SEC24C: variants seen among roughly 807,000 people sequenced by gnomAD.
SEC24C encodes the protein protein transport protein Sec24C.
SEC24C carries 22 observed loss-of-function variants against 117.0 expected under a neutral mutation model. That is an observed-to-expected ratio of 0.19 (90% CI 0.13 to 0.27). The LOEUF (loss-of-function observed/expected upper bound fraction) is 0.27, where lower values mean the gene tolerates loss of function less well. SEC24C is among the 10% of genes least tolerant of loss of function. The pLI is 1.00. For synonymous variants in SEC24C, 506 were observed against 529.4 expected, an observed-to-expected ratio of 0.96 and a Z score of 0.61; for missense variants, 1,155 against 1,375.1, an observed-to-expected ratio of 0.84 and a Z score of 2.53.
intron 3 of SEC24C, among the ~76,000 whole-genome samples, chr10:73,752,821 C>T (rs1565036964): frequency 6.6e-6 from 1 of 151,896 alleles, no homozygotes; most frequent in Non-Finnish European, 1.5e-5. Context: ...AAGACCCTGT[C>T]ACAAAAAAAC....
At position 73,769,588 on chromosome 10, in the gene SEC24C, A is replaced by AGTG; in HGVS notation, c.2564-26_2564-24dup. 6.2e-7 allele frequency: 1 copy of AGTG among 1,613,420 alleles called. No individual in the cohort carries two copies. The highest frequency in any genetic ancestry group is 1.1e-5 in the South Asian group (1 of 91,056). On this transcript the variant is annotated intron_variant, in intron 18 of 22. Transcript: ENST00000345254. The surrounding 1 kb of genome is among the most constrained non-coding windows in gnomAD (Gnocchi z 4.5). ...ATGCACACATGATGGGCAGCTGACC[A>AGTG]GTGACTATCTTTGCTTTCCCATCCA...
intron 3 of SEC24C, among the ~76,000 whole-genome samples, chr10:73,752,453 G>A (rs752235494): frequency 2.6e-5 from 4 of 152,108 alleles, no homozygotes; most frequent in Admixed American, 6.5e-5. Context: ...GGTAAATAAA[G>A]AGTAAAATAT....
At chr10:73,745,449 CCT>C (rs1443173871) in intron 1 of SEC24C, among the ~76,000 whole-genome samples, 2 of 151,628 alleles carry the variant, frequency 1.3e-5, no homozygotes, top group African/African-American at 4.8e-5. Context: ...TAACTTTGCC[CCT>C]GATTCTTGAA....
chr10:73,750,026 A>G (rs2082622140), intron 2 of SEC24C, among the ~76,000 whole-genome samples: 2 of 152,226 alleles, frequency 1.3e-5, no homozygotes, highest in Non-Finnish European at 1.5e-5. Flanking sequence ...AGATTTGGGA[A>G]ATAATGAAGT....
In SEC24C at chr10:73,769,162, G is replaced by A. The variant is rs766768963; in HGVS notation, c.2424+10G>A. 2.4e-5 allele frequency: 38 copies of A among 1,613,700 alleles called. No individual in the cohort carries two copies. The highest frequency in any genetic ancestry group is 6.7e-5 in the East Asian group (3 of 44,876). ...CGGAGCTCTCCTGCAGGTGGCAGGCGGGAGGCGGGGCTGGGCAGGAAGTGT... is the reference window on the plus strand; with the variant it reads ...CGGAGCTCTCCTGCAGGTGGCAGGCAGGAGGCGGGGCTGGGCAGGAAGTGT... On this transcript the variant is annotated intron_variant, in intron 17 of 22. Transcript: ENST00000345254. This position sits in a 1 kb window ranked among gnomAD's most constrained non-coding sequence, Gnocchi z 4.5.
chr10:73,769,222 G>A lies in SEC24C; in HGVS notation c.2424+70G>A, dbSNP rs771162873. On this transcript the variant is annotated intron_variant, in intron 17 of 22. Coordinates refer to ENST00000345254, the MANE Select transcript of SEC24C (RefSeq NM_198597.3). The surrounding 1 kb of genome is among the most constrained non-coding windows in gnomAD (Gnocchi z 4.5). ...TTGGTATAGAAGAGGGTGAGGAATGGGTAGAGAGCACTAAAAGAAGAGACA... is the reference window on the plus strand; with the variant it reads ...TTGGTATAGAAGAGGGTGAGGAATGAGTAGAGAGCACTAAAAGAAGAGACA... The A allele has an allele frequency of 6.3e-7, 1 of 1,595,076 alleles. No individual in the cohort carries two copies. Among genetic ancestry groups the A allele is most frequent in the Non-Finnish European group, 8.5e-7 (1 of 1,169,658 alleles).
intron 6 of SEC24C, among the ~76,000 whole-genome samples, chr10:73,763,261 T>A (rs2082825200): frequency 6.6e-6 from 1 of 152,230 alleles, no homozygotes; most frequent in Admixed American, 6.5e-5. Flanking sequence ...ATTCTCATGT[T>A]GCCTGCCCAG....
In SEC24C at chr10:73,760,144, A is replaced by G. The variant is rs766992907; in HGVS notation, c.608A>G (p.Gln203Arg). Reference sequence around the variant, plus strand: ...GGTCATCCTGGGATCCAGACTCCCCAGCGATCTGCCCCATCACAGGCCTCC... The same window carrying G: ...GGTCATCCTGGGATCCAGACTCCCCGGCGATCTGCCCCATCACAGGCCTCC... ...AQGHPGIQTP[Q>R]RSAPSQASSF... The change falls in exon 5 of 23, where the codon CAG becomes CGG. Residue 203 changes from glutamine (Q) to arginine (R), a missense_variant. Coordinates refer to ENST00000345254, the MANE Select transcript of SEC24C (RefSeq NM_198597.3). The G allele has an allele frequency of 3.7e-6, 6 of 1,613,942 alleles. No homozygotes were observed. In the East Asian group the frequency reaches 8.9e-5, roughly 24 times the overall value.
intron 1 of SEC24C, among the ~76,000 whole-genome samples, chr10:73,744,753 C>G (rs973395707): frequency 6.6e-6 from 1 of 152,136 alleles, no homozygotes; most frequent in African/African-American, 2.4e-5. Flanking sequence ...GGTTTTGATC[C>G]TCGGCTCTCC....
In SEC24C at chr10:73,766,796, A is replaced by G; in HGVS notation, c.1836A>G (p.Thr612=). Residue 612 remains threonine, a synonymous_variant, in exon 13 of 23, where the codon ACA becomes ACG. Coordinates refer to ENST00000345254, the MANE Select transcript of SEC24C (RefSeq NM_198597.3). The part of the protein sequence containing the change: ...LDQIPEMFAD[T]RETETVFVPV... ...AGATTCCAGAAATGTTTGCAGACACAAGGGAAACAGAGACAGTATTTGTAC... is the reference window on the plus strand; with the variant it reads ...AGATTCCAGAAATGTTTGCAGACACGAGGGAAACAGAGACAGTATTTGTAC... 1 of 1,614,214 alleles carries G rather than the reference A, an allele frequency of 6.2e-7. No homozygotes were observed. The highest frequency in any genetic ancestry group is 1.1e-5 in the South Asian group (1 of 91,084).
At chr10:73,755,779 A>T (rs1003512898) in intron 3 of SEC24C, among the ~76,000 whole-genome samples, 1 of 152,154 alleles carries the variant, frequency 6.6e-6, no homozygotes, top group African/African-American at 2.4e-5. Flanking sequence ...AACAAAAAAA[A>T]TTTTTAAGTG....
intron 2 of SEC24C, among the ~76,000 whole-genome samples, chr10:73,749,165 C>T (rs971092902): frequency 6.6e-6 from 1 of 152,212 alleles, no homozygotes; most frequent in Non-Finnish European, 1.5e-5. Context: ...CTTACCTGGT[C>T]ACATTGTTCA....
rs199736737 is a variant in SEC24C at position 73,754,679 on chromosome 10, G to C, written c.308+3436G>C. On this transcript the variant is annotated intron_variant, in intron 3 of 22. Coordinates refer to ENST00000345254, the MANE Select transcript of SEC24C (RefSeq NM_198597.3). ...AATCTGCAGCTCAAGACTGATGCTAGGACTGGAGATAAAAATTTGGGAGTC... is the reference window on the plus strand; with the variant it reads ...AATCTGCAGCTCAAGACTGATGCTACGACTGGAGATAAAAATTTGGGAGTC... 5.9e-5 allele frequency among the ~76,000 whole-genome samples: 9 copies of C among 152,304 alleles called. No individual in the cohort carries two copies. In the East Asian group the frequency reaches 1.4e-3, roughly 23 times the overall value.
chr10:73,757,455 G>A (rs1336163960), intron 3 of SEC24C, among the ~76,000 whole-genome samples: 4 of 150,726 alleles, frequency 2.7e-5, no homozygotes, highest in Admixed American at 1.3e-4. Context: ...AGGCTACAGT[G>A]AGCCATGATG....
Position 73,760,088 on chromosome 10 carries a change from G to GGGCCAGGCTCCTCCCCTT in SEC24C, c.553_570dup (p.Gly185_Leu190dup), listed in dbSNP as rs757854314. The GGGCCAGGCTCCTCCCCTT allele has an allele frequency of 5.8e-4, 933 of 1,613,894 alleles. 1 individual carries two copies. Among genetic ancestry groups the GGGCCAGGCTCCTCCCCTT allele is most frequent in the Admixed American group, 9.7e-4 (58 of 59,974 alleles). ...CTGGTCTGTATGGCTCCTATCCTCAGGGCCAGGCTCCTCCCCTTAGCCAGG... is the reference window on the plus strand; with the variant it reads ...CTGGTCTGTATGGCTCCTATCCTCAGGGCCAGGCTCCTCCCCTTGGCCAGGCTCCTCCCCTTAGCCAGG... On this transcript the variant is annotated inframe_insertion, in exon 5 of 23. Transcript: ENST00000345254.
chr10:73,770,224 G>A, intron 20 of SEC24C, 56 bp from the exon 21 acceptor site: 1 of 1,510,916 alleles, frequency 6.6e-7, no homozygotes, highest in Non-Finnish European at 9.0e-7. Flanking sequence ...GTGGTGCGGG[G>A]GGGCAGACTT....
chr10:73,754,283 C>T (rs535967132), intron 3 of SEC24C, among the ~76,000 whole-genome samples: 8 of 152,128 alleles, frequency 5.3e-5, no homozygotes, highest in African/African-American at 7.2e-5. Flanking sequence ...GGTGTGGTGG[C>T]GGGCACCTAT....
intron 7 of SEC24C, 57 bp downstream of exon 7, chr10:73,763,658 TGG>T: frequency 1.2e-6 from 1 of 852,116 alleles, no homozygotes; most frequent in Non-Finnish European, 1.8e-6. Context: ...TATCAGCTTA[TGG>T]TTGGGGCTTT....
At position 73,746,809 on chromosome 10, in the gene SEC24C, G is replaced by A; in HGVS notation, c.-24G>A. 1 of 1,586,672 alleles carries A rather than the reference G, an allele frequency of 6.3e-7. No individual in the cohort carries two copies. Among genetic ancestry groups the A allele is most frequent in the Non-Finnish European group, 8.6e-7 (1 of 1,162,868 alleles). Reference sequence around the variant, plus strand: ...AATTTCTCCTCTCTCTCACAGGTGAGATCAAATTGGGAATGCTTTCATAAT... The same window carrying A: ...AATTTCTCCTCTCTCTCACAGGTGAAATCAAATTGGGAATGCTTTCATAAT... On this transcript the variant is annotated 5_prime_UTR_variant, in exon 2 of 23. Transcript: ENST00000345254.
Sources: allele counts gnomAD v4.1 joint callset (sites outside exome capture counted in the v4.1 genomes callset), GRCh38; gene constraint gnomAD v4.1.1; non-coding constraint Gnocchi (gnomAD v3.1); transcripts MANE v1.5; gene names NCBI Gene and HGNC (gene_info 2026-07-23, HGNC 2026-07-21).